Variants in FRMD6 observed in about 807,000 individuals in gnomAD.
FRMD6 encodes FERM domain-containing protein 6.
A neutral mutation model predicts 73.2 loss-of-function variants in FRMD6; 37 were observed. The observed-to-expected ratio is 0.51, with a 90% confidence interval of 0.39 to 0.66. The LOEUF (loss-of-function observed/expected upper bound fraction) is 0.66, where lower values mean the gene tolerates loss of function less well. FRMD6 is among the 30% of genes least tolerant of loss of function. The pLI, the probability that FRMD6 is intolerant of heterozygous loss-of-function variation, is 0.00. For missense variants in FRMD6, 714 were observed against 780.5 expected, an observed-to-expected ratio of 0.91 and a Z score of 1.02; for synonymous variants, 273 against 282.2, an observed-to-expected ratio of 0.97 and a Z score of 0.33.
intron 2 of FRMD6, among the ~76,000 whole-genome samples, chr14:51,603,525 C>T (rs12896806): frequency 0.016 from 2,460 of 151,574 alleles, 28 homozygotes; most frequent in Non-Finnish European, 0.027. Flanking sequence ...AAATACATAA[C>T]GAAAAACTTT....
At chr14:51,693,521 T>C (rs34357867) in intron 2 of FRMD6, among the ~76,000 whole-genome samples, 4,759 of 152,274 alleles carry the variant, frequency 0.031, 96 homozygotes, top group Non-Finnish European at 0.051. Context: ...TTTTGTTGCT[T>C]TGGTTTCCTC....
chr14:51,400,043 C>A, the FRMD6 span, among the ~76,000 whole-genome samples: 1 of 151,774 alleles, frequency 6.6e-6, no homozygotes. Context: ...TCAATACATG[C>A]ATACATTGTG....
intron 2 of FRMD6, among the ~76,000 whole-genome samples, chr14:51,600,946 A>T (rs998233660): frequency 6.6e-6 from 1 of 152,220 alleles, no homozygotes; most frequent in African/African-American, 2.4e-5. Context: ...TTAATATCCT[A>T]TTAGCACTTG....
At chr14:51,490,082 TA>T (rs1302662293) in intron 1 of FRMD6, among the ~76,000 whole-genome samples, 1 of 152,196 alleles carries the variant, frequency 6.6e-6, no homozygotes, top group Non-Finnish European at 1.5e-5. Flanking sequence ...GTACAATGAA[TA>T]CAATGAGCTG....
the FRMD6 span, among the ~76,000 whole-genome samples, chr14:51,443,873 A>G: frequency 6.6e-6 from 1 of 152,192 alleles, no homozygotes. Flanking sequence ...TTCAGAAAAC[A>G]TGGCATGTAT....
intron 2 of FRMD6, among the ~76,000 whole-genome samples, chr14:51,591,514 C>T (rs1889395287): frequency 6.6e-6 from 1 of 152,178 alleles, no homozygotes; most frequent in Non-Finnish European, 1.5e-5. Context: ...TAATTCTCAA[C>T]ATTTCTATAT....
intron 1 of FRMD6, among the ~76,000 whole-genome samples, chr14:51,658,137 G>A (rs1892970367): frequency 1.3e-5 from 2 of 152,176 alleles, no homozygotes; most frequent in Non-Finnish European, 2.9e-5. Flanking sequence ...TCCATTGGGG[G>A]GCTCACTGCC....
chr14:51,709,262 C>G (rs1291267730), intron 7 of FRMD6, among the ~76,000 whole-genome samples: 2 of 152,160 alleles, frequency 1.3e-5, no homozygotes, highest in African/African-American at 4.8e-5. Context: ...CCGCTCTGTA[C>G]TTCAGTTTCC....
chr14:51,500,479 A>C (rs1435398841), intron 1 of FRMD6, among the ~76,000 whole-genome samples: 1 of 151,986 alleles, frequency 6.6e-6, no homozygotes, highest in Non-Finnish European at 1.5e-5. Context: ...GTGAGCCAAG[A>C]TCGTGCTCCA....
intron 2 of FRMD6, among the ~76,000 whole-genome samples, chr14:51,612,117 AG>A (rs1206781234): frequency 6.6e-6 from 1 of 152,256 alleles, no homozygotes; most frequent in Non-Finnish European, 1.5e-5. Context: ...TATTTTCAAA[AG>A]AAATGCCTGA....
intron 1 of FRMD6, among the ~76,000 whole-genome samples, chr14:51,502,726 T>C (rs1200998266): frequency 3.3e-5 from 5 of 152,196 alleles, no homozygotes; most frequent in Non-Finnish European, 7.3e-5. Flanking sequence ...TTTTTCCAAT[T>C]ATGTGAAGAA....
intron 1 of FRMD6, among the ~76,000 whole-genome samples, chr14:51,517,546 T>C (rs1884700109): frequency 6.6e-6 from 1 of 152,154 alleles, no homozygotes; most frequent in African/African-American, 2.4e-5. Flanking sequence ...AACTCTCCAC[T>C]GTTGGTGGGG....
At chr14:51,481,789 G>C in the FRMD6 span, among the ~76,000 whole-genome samples, 1 of 152,242 alleles carries the variant, frequency 6.6e-6, no homozygotes, top group Non-Finnish European at 1.5e-5. Context: ...TGGAAAGCAT[G>C]AGAGTGCTTT....
rs141984847 is a variant in FRMD6 at position 51,525,070 on chromosome 14, A to AATAGATAGATGATAGATAG, written c.-210+35660_-210+35661insGATAGATAGATAGATAGAT. ...GAGAGAGAGAGAGACAGACAAATAGAATAGATAGATAGATAGATAGATAGA... is the reference window on the plus strand; with the variant it reads ...GAGAGAGAGAGAGACAGACAAATAGAATAGATAGATGATAGATAGATAGATAGATAGATAGATAGATAGA... On this transcript the variant is annotated intron_variant, in intron 1 of 14. Transcript: ENST00000356218. 3.7e-3 allele frequency among the ~76,000 whole-genome samples: 376 copies of AATAGATAGATGATAGATAG among 102,012 alleles called. 6 individuals are homozygous for AATAGATAGATGATAGATAG. Among genetic ancestry groups the AATAGATAGATGATAGATAG allele is most frequent in the African/African-American group, 7.8e-3 (194 of 24,946 alleles). The allele number at this position is 102,012 out of a possible 152,430, so 66.9% of individuals were successfully genotyped here.
intron 1 of FRMD6, among the ~76,000 whole-genome samples, chr14:51,689,318 G>A (rs1385298444): frequency 1.3e-5 from 2 of 152,184 alleles, no homozygotes; most frequent in South Asian, 2.1e-4. Context: ...GAAAAAGAAC[G>A]AGAATTTTCT....
chr14:51,554,812 A>T (rs1470855963), intron 1 of FRMD6: 1 of 152,246 alleles, frequency 6.6e-6, no homozygotes, highest in Non-Finnish European at 1.5e-5. Context: ...TTAGGTGAGA[A>T]CTAAAGAAAT....
At chr14:51,536,467 G>C (rs1885898023) in intron 1 of FRMD6, among the ~76,000 whole-genome samples, 1 of 151,432 alleles carries the variant, frequency 6.6e-6, no homozygotes, top group Admixed American at 6.6e-5. Flanking sequence ...CCCCAGGCTG[G>C]AGTGCAATGG....
intron 2 of FRMD6, among the ~76,000 whole-genome samples, chr14:51,599,274 T>C (rs1889898967): frequency 1.3e-5 from 2 of 152,044 alleles, no homozygotes; most frequent in African/African-American, 2.4e-5. Context: ...GGTGCTGGGA[T>C]AGCTAGCTAT....
intron 1 of FRMD6, among the ~76,000 whole-genome samples, chr14:51,672,158 G>A (rs1172892195): frequency 6.6e-6 from 1 of 152,224 alleles, no homozygotes; most frequent in Non-Finnish European, 1.5e-5. Flanking sequence ...AAGTGATCCA[G>A]TCAAAGCAAA....
Sources: allele counts gnomAD v4.1 joint callset (sites outside exome capture counted in the v4.1 genomes callset), GRCh38; gene constraint gnomAD v4.1.1; transcripts MANE v1.5; gene names NCBI Gene and HGNC (gene_info 2026-07-23, HGNC 2026-07-21).